The following CDC34 variants were observed in gnomAD, a reference collection of about 807,000 sequenced individuals.
The protein encoded by CDC34 is ubiquitin-conjugating enzyme E2 R1.
CDC34 carries 18 observed loss-of-function variants against 26.8 expected under a neutral mutation model. That is an observed-to-expected ratio of 0.67 (90% CI 0.47 to 1.00). CDC34 has a LOEUF of 1.00. Ranked by LOEUF, CDC34 falls within the 50% of genes least tolerant of loss-of-function variation. The pLI, the probability that CDC34 is intolerant of heterozygous loss-of-function variation, is 0.00. For synonymous variants in CDC34, 178 were observed against 147.5 expected, an observed-to-expected ratio of 1.21 and a Z score of -1.50; for missense variants, 280 against 334.5, an observed-to-expected ratio of 0.84 and a Z score of 1.27.
At chr19:538,456 A>G (rs1003700553) in intron 4 of CDC34, among the ~76,000 whole-genome samples, 8 of 152,112 alleles carry the variant, frequency 5.3e-5, no homozygotes, top group Admixed American at 3.3e-4. Context: ...GTGTCTGTGT[A>G]CAAAGACAAG....
At chr19:533,486 T>C (rs1284717586) in intron 1 of CDC34, among the ~76,000 whole-genome samples, 1 of 152,158 alleles carries the variant, frequency 6.6e-6, no homozygotes, top group East Asian at 1.9e-4. Flanking sequence ...GAATCCTGCG[T>C]CCCCACACAG....
rs1017174319 is a variant in CDC34 at position 541,174 on chromosome 19, C to T, written c.498-165C>T. The T allele has an allele frequency of 4.6e-6, 4 of 876,606 alleles. No homozygotes were observed. The East Asian group carries it at 8.4e-5, about 18-fold the overall frequency. The allele number at this position is 876,606 out of a possible 1,614,324, so 54.3% of individuals were successfully genotyped here. A position where few individuals can be genotyped will look rare whatever the true frequency, so the allele number is the denominator to read the frequency against. On this transcript the variant is annotated intron_variant, in intron 4 of 4. Transcript: ENST00000215574. ...CCGAGCCCCCTCCTCTGTCATTTCT[C>T]CCCCTGGAGTTCCTCACGCACAGGG...
At chr19:532,203 TG>T in intron 1 of CDC34, 95 bp downstream of exon 1, 1 of 1,052,854 alleles carries the variant, frequency 9.5e-7, no homozygotes, top group Non-Finnish European at 1.3e-6. Flanking sequence ...GCGCTGTTGC[TG>T]GGCGGGCCCC....
intron 4 of CDC34, among the ~76,000 whole-genome samples, chr19:539,820 G>A (rs1199049626): frequency 1.3e-5 from 2 of 152,202 alleles, no homozygotes; most frequent in African/African-American, 2.4e-5. Flanking sequence ...TTCTTGACGC[G>A]TGTCCTGGAG....
intron 3 of CDC34, chr19:536,648 C>T (rs1191195282): frequency 5.5e-6 from 3 of 541,946 alleles, no homozygotes; most frequent in South Asian, 4.5e-5. Context: ...CCAGCCGTCT[C>T]TGGGTTGGTC....
rs907074961 is a variant in CDC34 at position 541,607 on chromosome 19, C to G, written c.*55C>G. 2 of 1,499,972 alleles carry G rather than the reference C, an allele frequency of 1.3e-6. No homozygotes were observed. Among genetic ancestry groups the G allele is most frequent in the Admixed American group, 2.3e-5 (1 of 42,818 alleles). The allele number at this position is 1,499,972 out of a possible 1,614,324, so 92.9% of individuals were successfully genotyped here. A position where few individuals can be genotyped will look rare whatever the true frequency, so the allele number is the denominator to read the frequency against. ...CTCACTAGGGCCGGACCCGTGGCTC[C>G]TTAGACGACAGACTACCTCACGGAG... On this transcript the variant is annotated 3_prime_UTR_variant, in exon 5 of 5. Coordinates refer to ENST00000215574, the MANE Select transcript of CDC34 (RefSeq NM_004359.2).
intron 1 of CDC34, among the ~76,000 whole-genome samples, chr19:534,932 C>T (rs977223219): frequency 2.0e-5 from 3 of 152,352 alleles, no homozygotes; most frequent in Admixed American, 1.3e-4. Context: ...GCTTCCACCA[C>T]GATCGCTCTG....
intron 4 of CDC34, among the ~76,000 whole-genome samples, chr19:540,935 G>A (rs1168821748): frequency 6.6e-6 from 1 of 152,206 alleles, no homozygotes; most frequent in Non-Finnish European, 1.5e-5. Flanking sequence ...GGATGGTCCT[G>A]CCTCCTGTCC....
chr19:539,060 T>C (rs1979894197), intron 4 of CDC34: 1 of 952,642 alleles, frequency 1.0e-6, no homozygotes, highest in South Asian at 4.8e-5. Flanking sequence ...AACACACATG[T>C]GCCATGTGGA....
At chr19:533,190 G>T (rs538561765) in intron 1 of CDC34, among the ~76,000 whole-genome samples, 152 of 152,244 alleles carry the variant, frequency 1.0e-3, no homozygotes, top group Admixed American at 3.3e-3. Flanking sequence ...GAGGGGCCCT[G>T]TGTGAGCGGT....
chr19:539,685 G>A (rs1568331958), intron 4 of CDC34, among the ~76,000 whole-genome samples: 1 of 152,178 alleles, frequency 6.6e-6, no homozygotes, highest in Non-Finnish European at 1.5e-5. Flanking sequence ...GTCGGTGATA[G>A]GGGCTCGAGC....
At chr19:533,601 C>T (rs1459285402) in intron 1 of CDC34, among the ~76,000 whole-genome samples, 2 of 152,250 alleles carry the variant, frequency 1.3e-5, no homozygotes, top group African/African-American at 2.4e-5. Flanking sequence ...CGCAGCCCCA[C>T]CTCGAAGCCA....
intron 4 of CDC34, 191 bp from the exon 5 acceptor site, chr19:541,148 C>T (rs1369191567): frequency 1.7e-5 from 12 of 711,742 alleles, no homozygotes; most frequent in Non-Finnish European, 2.4e-5. Flanking sequence ...TCCTGCCCTT[C>T]CCGAGCCCCC....
In CDC34 at chr19:541,195, C is replaced by T. The variant is rs1029504558; in HGVS notation, c.498-144C>T. The T allele has an allele frequency of 1.4e-5, 15 of 1,087,018 alleles. No individual in the cohort carries two copies. The African/African-American group carries it at 1.4e-4, about 10-fold the overall frequency. The allele number at this position is 1,087,018 out of a possible 1,614,324, so 67.3% of individuals were successfully genotyped here. A position where few individuals can be genotyped will look rare whatever the true frequency, so the allele number is the denominator to read the frequency against. On this transcript the variant is annotated intron_variant, in intron 4 of 4. Coordinates refer to ENST00000215574, the MANE Select transcript of CDC34 (RefSeq NM_004359.2). Reference sequence around the variant, plus strand: ...TTCTCCCCCTGGAGTTCCTCACGCACAGGGCTTTGTCCTAAGTGGTCGCCA... The same window carrying T: ...TTCTCCCCCTGGAGTTCCTCACGCATAGGGCTTTGTCCTAAGTGGTCGCCA...
At position 535,836 on chromosome 19, in the gene CDC34, G is replaced by A; in HGVS notation, c.178-1G>A. 3 of 1,613,352 alleles carry A rather than the reference G, an allele frequency of 1.9e-6. No homozygotes were observed. Among genetic ancestry groups the A allele is most frequent in the Non-Finnish European group, 2.5e-6 (3 of 1,179,718 alleles). On this transcript the variant is annotated splice_acceptor_variant, in intron 1 of 4. Transcript: ENST00000215574. LOFTEE classifies it high-confidence loss of function. Reference sequence around the variant, plus strand: ...GAGCCACCTGCCTTCTGCCCCTGCAGGCGCGCCTCAAGTTCCCCATCGACT... The same window carrying A: ...GAGCCACCTGCCTTCTGCCCCTGCAAGCGCGCCTCAAGTTCCCCATCGACT...
At chr19:541,070 G>T in intron 4 of CDC34, 1 of 429,440 alleles carries the variant, frequency 2.3e-6, no homozygotes, top group Non-Finnish European at 4.2e-6. Context: ...TGGGTCCCTT[G>T]GGTTGTGCTT....
chr19:535,999 T>C (rs1979722128), intron 2 of CDC34, 76 bp downstream of exon 2: 1 of 1,085,938 alleles, frequency 9.2e-7, no homozygotes, highest in Non-Finnish European at 1.2e-6. Flanking sequence ...GTCCTCATCC[T>C]TCCGGGACCC....
At chr19:534,356 A>G (rs907341423) in intron 1 of CDC34, among the ~76,000 whole-genome samples, 2 of 141,202 alleles carry the variant, frequency 1.4e-5, no homozygotes, top group African/African-American at 5.4e-5. Context: ...TCCACGATCC[A>G]AGACCCCCAA....
intron 4 of CDC34, among the ~76,000 whole-genome samples, chr19:537,501 C>T (rs547821044): frequency 6.6e-5 from 10 of 152,166 alleles, no homozygotes; most frequent in Non-Finnish European, 1.0e-4. Flanking sequence ...TACAGGCGCC[C>T]GTCACCACGC....
Sources: allele counts gnomAD v4.1 joint callset (sites outside exome capture counted in the v4.1 genomes callset), GRCh38; gene constraint gnomAD v4.1.1; transcripts MANE v1.5; gene names NCBI Gene and HGNC (gene_info 2026-07-23, HGNC 2026-07-21).